DMD: variants seen among roughly 807,000 people sequenced by gnomAD.
DMD encodes mutant dystrophin.
DMD carries 63 observed loss-of-function variants against 330.1 expected under a neutral mutation model. That is an observed-to-expected ratio of 0.19 (90% CI 0.16 to 0.24). The LOEUF is 0.24. Ranked by LOEUF, DMD falls within the 10% of genes least tolerant of loss-of-function variation. The probability of loss-of-function intolerance (pLI) is 1.00; values close to 1 mark genes in which losing one functional copy is unlikely to be tolerated. For missense variants in DMD, 3,344 were observed against 2,684.1 expected, an observed-to-expected ratio of 1.25 and a Z score of -5.43; for synonymous variants, 1,223 against 959.8, an observed-to-expected ratio of 1.27 and a Z score of -5.07.
At chrX:32,599,298 G>A (rs1270788927) in intron 12 of DMD, among the ~76,000 whole-genome samples, 3 of 111,524 alleles carry the variant, frequency 2.7e-5, no homozygotes, top group Non-Finnish European at 5.7e-5. Flanking sequence ...TAGCAGAAAC[G>A]CCAGACATAA....
chrX:32,829,937 A>G, intron 4 of DMD, among the ~76,000 whole-genome samples: 1 of 111,897 alleles, frequency 8.9e-6, no homozygotes, highest in East Asian at 2.8e-4. Context: ...CCAAGTTAAT[A>G]AACATTTCAC....
chrX:32,455,286 C>T (rs1001777983), intron 25 of DMD, among the ~76,000 whole-genome samples: 10 of 110,863 alleles, frequency 9.0e-5, no homozygotes, highest in Non-Finnish European at 1.9e-4. Flanking sequence ...AAAGAAAAAA[C>T]GAAAAGTGCA....
intron 9 of DMD, among the ~76,000 whole-genome samples, chrX:32,693,415 A>G (rs1251995150): frequency 8.9e-6 from 1 of 111,936 alleles, no homozygotes; most frequent in Non-Finnish European, 1.9e-5. Flanking sequence ...TAAAAGAAGT[A>G]TGTTTTTGTC....
intron 43 of DMD, among the ~76,000 whole-genome samples, chrX:32,269,606 C>T (rs750636407): frequency 1.9e-4 from 21 of 111,066 alleles, no homozygotes; most frequent in South Asian, 1.1e-3. Flanking sequence ...TATTATATAC[C>T]GACTATATAG....
At chrX:32,726,174 A>G (rs1425896997) in intron 7 of DMD, among the ~76,000 whole-genome samples, 1 of 111,276 alleles carries the variant, frequency 9.0e-6, no homozygotes, top group Non-Finnish European at 1.9e-5. Context: ...TATTTATGAC[A>G]CTGCGGGGTT....
intron 37 of DMD, among the ~76,000 whole-genome samples, chrX:32,353,040 T>A (rs2097787116): frequency 1.8e-5 from 2 of 111,159 alleles, no homozygotes; most frequent in Admixed American, 1.9e-4. Flanking sequence ...GTTTTAGAAC[T>A]ACCTATATAT....
At chrX:31,530,535 T>C (rs1225681378) in intron 55 of DMD, among the ~76,000 whole-genome samples, 11 of 110,001 alleles carry the variant, frequency 1.0e-4, no homozygotes, top group African/African-American at 3.0e-4. Context: ...CATTAATACA[T>C]TGATTAGTTA....
chrX:32,411,555 T>A (rs764792905), intron 30 of DMD, among the ~76,000 whole-genome samples, 197 bp downstream of exon 30: 1 of 111,685 alleles, frequency 9.0e-6, no homozygotes, highest in East Asian at 2.8e-4. Flanking sequence ...ATTCCTCCAT[T>A]ACATCCTTAA....
At chrX:32,416,397 T>C (rs1460903152) in intron 29 of DMD, among the ~76,000 whole-genome samples, 1 of 112,026 alleles carries the variant, frequency 8.9e-6, no homozygotes, top group African/African-American at 3.2e-5. Context: ...ATACTCATCA[T>C]TGTATTCATC....
At chrX:33,216,542 C>T (rs2148870044), upstream of DMD, among the ~76,000 whole-genome samples, 1 of 111,219 alleles carries the variant, frequency 9.0e-6, no homozygotes, top group Admixed American at 9.6e-5. Flanking sequence ...CCCAAACCTC[C>T]ACATCACACA....
At chrX:33,043,858 C>T (rs749554505) in intron 1 of DMD, among the ~76,000 whole-genome samples, 2 of 99,740 alleles carry the variant, frequency 2.0e-5, no homozygotes, top group African/African-American at 3.7e-5. Context: ...CAACAGGCCC[C>T]GGTGTGTGAG....
At chrX:31,670,951 CG>C (rs2081738476) in intron 53 of DMD, among the ~76,000 whole-genome samples, 1 of 108,035 alleles carries the variant, frequency 9.3e-6, no homozygotes, top group African/African-American at 3.4e-5. Flanking sequence ...CTCGCTCTTT[CG>C]CCCAGGCCGG....
At chrX:32,275,691 T>G (rs2097383497) in intron 43 of DMD, among the ~76,000 whole-genome samples, 2 of 111,855 alleles carry the variant, frequency 1.8e-5, no homozygotes, top group African/African-American at 6.5e-5. Context: ...TCTATCCAAC[T>G]AGTTACTTAG....
intron 60 of DMD, among the ~76,000 whole-genome samples, chrX:31,371,022 TA>T (rs770718258): frequency 2.3e-3 from 249 of 110,225 alleles, no homozygotes; most frequent in Non-Finnish European, 2.9e-3. Context: ...AAGTAGGAGG[TA>T]GGGGGGGCAG....
chrX:33,022,254 A>C (rs2147774595), intron 1 of DMD, among the ~76,000 whole-genome samples: 1 of 111,318 alleles, frequency 9.0e-6, no homozygotes, highest in African/African-American at 3.3e-5. Flanking sequence ...AAGTGATTTA[A>C]TCTAGAGGCT....
intron 13 of DMD, among the ~76,000 whole-genome samples, chrX:32,584,625 A>T (rs1017560311): frequency 7.1e-5 from 8 of 112,341 alleles, no homozygotes; most frequent in Admixed American, 2.8e-4. Flanking sequence ...AACATAGTGA[A>T]TCTCACAAAT....
At chrX:32,129,034 A>G (rs751713879) in intron 44 of DMD, among the ~76,000 whole-genome samples, 52 of 111,844 alleles carry the variant, frequency 4.6e-4, no homozygotes, top group Non-Finnish European at 7.7e-4. Context: ...GCCAAAAATT[A>G]AATACCAAGG....
intron 49 of DMD, among the ~76,000 whole-genome samples, chrX:31,824,022 T>C (rs2092833497): frequency 8.9e-6 from 1 of 112,312 alleles, no homozygotes; most frequent in Non-Finnish European, 1.9e-5. Flanking sequence ...ACTTCAGATG[T>C]GGCTGCTGAC....
chrX:32,244,490 T>C (rs2148102316), intron 43 of DMD, among the ~76,000 whole-genome samples: 1 of 76,739 alleles, frequency 1.3e-5, no homozygotes, highest in African/African-American at 5.0e-5. Flanking sequence ...ATGGGATGGC[T>C]GGGTCAAATG....
Sources: allele counts gnomAD v4.1 joint callset (sites outside exome capture counted in the v4.1 genomes callset), GRCh38; gene constraint gnomAD v4.1.1; transcripts MANE v1.5; gene names NCBI Gene and HGNC (gene_info 2026-07-23, HGNC 2026-07-21).